The following ACTR3 variants were observed in gnomAD, a reference collection of about 807,000 sequenced individuals.
ACTR3 encodes the protein actin-related protein 3.
Under a neutral mutation model 56.8 loss-of-function variants are expected in ACTR3, and 12 were observed. That is an observed-to-expected ratio of 0.21 (90% CI 0.14 to 0.34). The LOEUF is 0.34. Ranked by LOEUF, ACTR3 falls within the 10% of genes least tolerant of loss-of-function variation. The pLI, the probability that ACTR3 is intolerant of heterozygous loss-of-function variation, is 1.00. For synonymous variants in ACTR3, 162 were observed against 167.4 expected (o/e 0.97, Z 0.25); for missense variants, 282 against 512.5 (o/e 0.55, Z 4.34).
intron 1 of ACTR3, among the ~76,000 whole-genome samples, chr2:113,900,661 C>G (rs2104582815): frequency 6.6e-6 from 1 of 152,258 alleles, no homozygotes; most frequent in South Asian, 2.1e-4. Flanking sequence ...ATTCCCGATG[C>G]ATTAGGGATA....
At chr2:113,951,608 T>TA (rs1680121784) in intron 9 of ACTR3, 37 bp downstream of exon 9, 4 of 1,563,104 alleles carry the variant, frequency 2.6e-6, no homozygotes, top group Non-Finnish European at 3.5e-6. Context: ...GGTCTTACTT[T>TA]AAAAAAACTT....
chr2:113,931,257 A>G, intron 4 of ACTR3, 44 bp from the exon 5 acceptor site: 1 of 1,202,834 alleles, frequency 8.3e-7, no homozygotes, highest in Non-Finnish European at 1.2e-6. Flanking sequence ...AAGTTATCAA[A>G]ATAATCTGAT....
intron 3 of ACTR3, among the ~76,000 whole-genome samples, chr2:113,920,319 C>G (rs1314351671): frequency 1.3e-5 from 2 of 152,054 alleles, no homozygotes; most frequent in Non-Finnish European, 1.5e-5. Context: ...TGGCCTCTCT[C>G]AAAGTGTGGG....
intron 1 of ACTR3, among the ~76,000 whole-genome samples, chr2:113,909,218 A>G (rs896704458): frequency 6.6e-6 from 1 of 152,136 alleles, no homozygotes; most frequent in Non-Finnish European, 1.5e-5. Flanking sequence ...TGGATACTGT[A>G]TGCATTTATT....
At chr2:113,911,424 T>TTTC (rs1679304634) in intron 1 of ACTR3, among the ~76,000 whole-genome samples, 1 of 149,664 alleles carries the variant, frequency 6.7e-6, no homozygotes, top group East Asian at 2.0e-4. Context: ...GCACACTTTT[T>TTTC]TTTTTTTTTT....
In ACTR3 at chr2:113,940,122, T is replaced by C. The variant is rs773063823; in HGVS notation, c.684+20T>C. On this transcript the variant is annotated intron_variant, in intron 7 of 11. Coordinates refer to ENST00000263238, the MANE Select transcript of ACTR3 (RefSeq NM_005721.5). ...GTAAAGGTAAAAAGTGTGATAGGAG[T>C]GTAATTTAGTTAAAAATTAAAATCA... 38 of 1,588,814 alleles carry C rather than the reference T, an allele frequency of 2.4e-5. No individual in the cohort carries two copies. The highest frequency in any genetic ancestry group is 3.1e-5 in the Non-Finnish European group (36 of 1,171,044).
rs183262008 is a variant in ACTR3 at position 113,957,361 on chromosome 2, C to G, written c.1163C>G (p.Pro388Arg). ...AAAATACATATTTTTTGTTTTCAGC[C>G]TGAGTTCTACCAAGTATGCCACACC... is the stretch of plus-strand genomic sequence containing the variant. ...WFGGSMLAST[P>R]EFYQVCHTKK... The change falls in exon 12 of 12, where the codon CCT (proline) becomes CGT (arginine). Residue 388 changes from proline to arginine, a missense_variant and splice_region_variant. Physicochemically the swap from Pro to Arg is moderately radical, Grantham distance 103. Transcript: ENST00000263238. The G allele has an allele frequency of 6.2e-7, 1 of 1,611,434 alleles. No homozygotes were observed. The highest frequency in any genetic ancestry group is 8.5e-7 in the Non-Finnish European group (1 of 1,178,276).
intron 1 of ACTR3, among the ~76,000 whole-genome samples, chr2:113,892,840 G>A (rs1358386544): frequency 6.6e-6 from 1 of 152,116 alleles, no homozygotes; most frequent in Non-Finnish European, 1.5e-5. Context: ...AAAAAAAGTG[G>A]CCATCTGTAA....
chr2:113,902,252 C>G (rs1180809766), intron 1 of ACTR3, among the ~76,000 whole-genome samples: 1 of 152,130 alleles, frequency 6.6e-6, no homozygotes, highest in East Asian at 1.9e-4. Flanking sequence ...CCTCTCTCAC[C>G]TAGCCTTCTT....
At chr2:113,934,139 A>G in intron 5 of ACTR3, 140 bp from the exon 6 acceptor site, 3 of 606,452 alleles carry the variant, frequency 4.9e-6, no homozygotes, top group Non-Finnish European at 8.5e-6. Context: ...AATTAATTTT[A>G]TGTATTTTCT....
chr2:113,936,107 C>A (rs1679820198), intron 6 of ACTR3, among the ~76,000 whole-genome samples: 1 of 151,986 alleles, frequency 6.6e-6, no homozygotes, highest in Admixed American at 6.5e-5. Flanking sequence ...AACAGGGCAA[C>A]ATGCTGAAAC....
chr2:113,942,780 A>G (rs1483603297), intron 8 of ACTR3, among the ~76,000 whole-genome samples: 1 of 152,140 alleles, frequency 6.6e-6, no homozygotes, highest in African/African-American at 2.4e-5. Context: ...CCATTAAAAT[A>G]TATAACTAGT....
intron 1 of ACTR3, among the ~76,000 whole-genome samples, chr2:113,912,915 A>C (rs1347615068): frequency 7.2e-6 from 1 of 138,592 alleles, no homozygotes; most frequent in Non-Finnish European, 1.5e-5. Flanking sequence ...ATTGTAGCTA[A>C]TGACCTTGAT....
chr2:113,925,854 A>C (rs921968300), intron 3 of ACTR3, among the ~76,000 whole-genome samples: 1 of 152,180 alleles, frequency 6.6e-6, no homozygotes, highest in Non-Finnish European at 1.5e-5. Context: ...TTGTTCATTA[A>C]TTTGTTTAAC....
Position 113,961,734 on chromosome 2 carries a change from G to T in ACTR3, c.*4279G>T, listed in dbSNP as rs981487957. ...GTCTAATAGTAAAGGCACTCTTAGAGGAGGGACAAATATTTTGCCTAGATA... is the reference window on the plus strand; with the variant it reads ...GTCTAATAGTAAAGGCACTCTTAGATGAGGGACAAATATTTTGCCTAGATA... On this transcript the variant is annotated 3_prime_UTR_variant, in exon 12 of 12. Coordinates refer to ENST00000263238, the MANE Select transcript of ACTR3 (RefSeq NM_005721.5). 2.6e-5 allele frequency: 4 copies of T among 151,958 alleles called. No individual in the cohort carries two copies. Among genetic ancestry groups the T allele is most frequent in the African/African-American group, 9.7e-5 (4 of 41,424 alleles). The allele number at this position is 151,958 out of a possible 1,614,324, so 9.4% of individuals were successfully genotyped here. A position where few individuals can be genotyped will look rare whatever the true frequency, so the allele number is the denominator to read the frequency against.
chr2:113,917,198 T>G (rs1213073288), intron 3 of ACTR3, among the ~76,000 whole-genome samples, 190 bp downstream of exon 3: 2 of 151,818 alleles, frequency 1.3e-5, no homozygotes, highest in African/African-American at 2.4e-5. Flanking sequence ...TAATAACCCC[T>G]AAGAGGAAAG....
At chr2:113,926,688 C>T (rs1009433359) in intron 3 of ACTR3, among the ~76,000 whole-genome samples, 1 of 152,174 alleles carries the variant, frequency 6.6e-6, no homozygotes, top group African/African-American at 2.4e-5. Context: ...CTGAGAACTG[C>T]ATTAATTCCT....
intron 4 of ACTR3, among the ~76,000 whole-genome samples, chr2:113,930,600 T>C (rs893714432): frequency 1.3e-5 from 2 of 152,282 alleles, no homozygotes; most frequent in African/African-American, 2.4e-5. Context: ...CTTTAAAAAT[T>C]GAAACAGTTT....
intron 4 of ACTR3, among the ~76,000 whole-genome samples, chr2:113,928,791 C>T (rs1332727951): frequency 6.6e-6 from 1 of 152,146 alleles, no homozygotes; most frequent in African/African-American, 2.4e-5. Context: ...CAGTTACATA[C>T]ATCTGTGTAA....
Sources: gnomAD v4.1 joint callset for allele counts (sites outside exome capture counted in the v4.1 genomes callset) on GRCh38, gnomAD v4.1.1 for gene constraint, MANE v1.5 for transcripts, NCBI Gene and HGNC (gene_info 2026-07-23, HGNC 2026-07-21) for gene names.